GRM1: variants seen among roughly 807,000 people sequenced by gnomAD.
GRM1 encodes the protein metabotropic glutamate receptor 1.
In GRM1, 33 loss-of-function variants were observed where a neutral mutation model predicts 90.9. The ratio of observed to expected loss-of-function variants is 0.36; its 90% CI spans 0.28 to 0.49. The LOEUF is 0.49. GRM1 is among the 20% of genes least tolerant of loss of function. The pLI is 0.99. For missense variants in GRM1, 1,190 were observed against 1,534.3 expected (o/e 0.78, Z 3.75); for synonymous variants, 700 against 613.2 (o/e 1.14, Z -2.09).
chr6:146,315,742 A>G (rs975006626), intron 3 of GRM1, among the ~76,000 whole-genome samples: 5 of 152,194 alleles, frequency 3.3e-5, no homozygotes, highest in Non-Finnish European at 5.9e-5. Flanking sequence ...AAAATTCAGA[A>G]CCATCTGTCA....
chr6:146,253,948 C>G (rs1781390042), intron 2 of GRM1, among the ~76,000 whole-genome samples: 1 of 152,020 alleles, frequency 6.6e-6, no homozygotes, highest in Non-Finnish European at 1.5e-5. Flanking sequence ...TCTTACTTTT[C>G]TCTTCATAAG....
chr6:146,143,437 T>G (rs995754620), intron 1 of GRM1, among the ~76,000 whole-genome samples: 2 of 152,194 alleles, frequency 1.3e-5, no homozygotes, highest in African/African-American at 2.4e-5. Flanking sequence ...TGGATCCTGA[T>G]GAATGTCAGT....
In GRM1 at chr6:146,433,937, T is replaced by C. The variant is rs141525895; in HGVS notation, c.2726T>C (p.Met909Thr). 156 of 1,613,730 alleles carry C rather than the reference T, an allele frequency of 9.7e-5. No individual in the cohort carries two copies. Among genetic ancestry groups the C allele is most frequent in the Non-Finnish European group, 1.3e-4 (148 of 1,179,736 alleles). ...GGGQVPKGQH[M>T]WHRLSVHVKT... ...GGACAGGTGCCCAAGGGACAGCATA[T>C]GTGGCACCGCCTCTCTGTGCACGTG... The change falls in exon 8 of 8, where the codon ATG becomes ACG. Residue 909 changes from methionine to threonine, a missense_variant. By Grantham distance (81) the Met-to-Thr change is moderately conservative (BLOSUM62 -1). This residue lies in a region of GRM1 where 400 missense variants were observed against 360.8 expected (regional missense o/e 1.11). Transcript: ENST00000282753.
chr6:146,311,857 G>A (rs1583308159), intron 3 of GRM1, among the ~76,000 whole-genome samples: 1 of 152,052 alleles, frequency 6.6e-6, no homozygotes, highest in South Asian at 2.1e-4. Flanking sequence ...TTGATCATAT[G>A]ATTTTTCCTG....
In GRM1 at chr6:146,283,173, G is replaced by A. The variant is rs148290388; in HGVS notation, c.951-21438G>A. On this transcript the variant is annotated intron_variant, in intron 2 of 7. Transcript: ENST00000282753. The stretch of plus-strand genomic sequence containing the variant: ...GTCCAGCTTGAAGCAGAGCATCCCA[G>A]CAGAACCCAGCCTAAATCAGCCGAA... Among the ~76,000 whole-genome samples, 509 of 152,298 alleles carry A rather than the reference G, an allele frequency of 3.3e-3. 2 individuals carry two copies. Among genetic ancestry groups the A allele is most frequent in the Non-Finnish European group, 5.6e-3 (379 of 68,038 alleles).
chr6:146,280,055 G>C (rs962124197), intron 2 of GRM1, among the ~76,000 whole-genome samples: 1 of 152,062 alleles, frequency 6.6e-6, no homozygotes. Context: ...AAATTGACAA[G>C]TTTCATCATT....
intron 1 of GRM1, among the ~76,000 whole-genome samples, chr6:146,092,917 G>A (rs1265970329): frequency 6.6e-6 from 1 of 152,114 alleles, no homozygotes; most frequent in Admixed American, 6.6e-5. Context: ...AGTAGAAATA[G>A]AGTATGAAAC....
rs529777111 is a variant in GRM1, at chr6:146,333,921, GA to G, written c.1187-18322del. Among the ~76,000 whole-genome samples, 326 of 152,196 alleles carry G rather than the reference GA, an allele frequency of 2.1e-3. 2 individuals carry two copies. Among genetic ancestry groups the G allele is most frequent in the Non-Finnish European group, 3.6e-3 (243 of 68,002 alleles). On this transcript the variant is annotated intron_variant, in intron 3 of 7. Transcript: ENST00000282753. The stretch of plus-strand genomic sequence containing the variant: ...AAAGGAAAAAAAAATGATGAAATCT[GA>G]AAAAAATAAAATGGAGTTTAGTAAA...
chr6:146,390,290 G>A (rs1776669702), intron 6 of GRM1, among the ~76,000 whole-genome samples: 1 of 151,570 alleles, frequency 6.6e-6, no homozygotes, highest in African/African-American at 2.4e-5. Context: ...ATTAAAATGT[G>A]GTTTTTTTTG....
intron 1 of GRM1, among the ~76,000 whole-genome samples, chr6:146,116,594 T>A (rs1775757888): frequency 6.6e-6 from 1 of 152,100 alleles, no homozygotes; most frequent in Non-Finnish European, 1.5e-5. Flanking sequence ...TATATTATAT[T>A]TTTCCAGTTT....
chr6:146,156,353 C>T (rs1411926368), intron 1 of GRM1, among the ~76,000 whole-genome samples: 1 of 152,184 alleles, frequency 6.6e-6, no homozygotes, highest in African/African-American at 2.4e-5. Flanking sequence ...TTGCAGTGAG[C>T]CAAGATCGTG....
At chr6:146,115,372 A>G (rs1337396314) in intron 1 of GRM1, among the ~76,000 whole-genome samples, 1 of 152,126 alleles carries the variant, frequency 6.6e-6, no homozygotes, top group Non-Finnish European at 1.5e-5. Flanking sequence ...GACACATAGC[A>G]TGTTCTCAAC....
chr6:146,290,629 T>A (rs950063658), intron 2 of GRM1, among the ~76,000 whole-genome samples: 3 of 152,168 alleles, frequency 2.0e-5, no homozygotes, highest in Non-Finnish European at 4.4e-5. Context: ...CATTTTTTCT[T>A]TCAATTTTCT....
chr6:146,240,637 G>T (rs1196062340), intron 2 of GRM1, among the ~76,000 whole-genome samples: 1 of 152,084 alleles, frequency 6.6e-6, no homozygotes, highest in Non-Finnish European at 1.5e-5. Flanking sequence ...AATTCTAAGG[G>T]TCAATCTTTG....
At chr6:146,083,247 T>C (rs564175850) in intron 1 of GRM1, among the ~76,000 whole-genome samples, 1 of 152,350 alleles carries the variant, frequency 6.6e-6, no homozygotes, top group East Asian at 1.9e-4. Flanking sequence ...CTGATTGCCC[T>C]GGCCAGAACT....
Position 146,224,587 on chromosome 6 carries a change from G to A in GRM1, c.950+64990G>A, listed in dbSNP as rs117411235. On this transcript the variant is annotated intron_variant, in intron 2 of 7. Coordinates refer to ENST00000282753, the MANE Select transcript of GRM1 (RefSeq NM_001278064.2). The stretch of plus-strand genomic sequence containing the variant: ...AGCTTGACAGCTTAGATAATGAAAA[G>A]TCCTACATTCACTTCTTATCACAAG... Among the ~76,000 whole-genome samples the A allele has an allele frequency of 9.4e-3, 1,431 of 152,268 alleles. 7 individuals carry two copies. Among genetic ancestry groups the A allele is most frequent in the Middle Eastern group, 0.027 (8 of 294 alleles).
intron 1 of GRM1, among the ~76,000 whole-genome samples, chr6:146,099,342 A>C (rs1776974427): frequency 6.6e-6 from 1 of 152,156 alleles, no homozygotes; most frequent in Non-Finnish European, 1.5e-5. Flanking sequence ...AGCCAAGATC[A>C]CTCCAGTGTG....
At chr6:146,107,637 T>A (rs1775363659) in intron 1 of GRM1, among the ~76,000 whole-genome samples, 2 of 152,240 alleles carry the variant, frequency 1.3e-5, no homozygotes, top group Admixed American at 6.5e-5. Flanking sequence ...CTTTTAATCA[T>A]CTTTCATTTG....
chr6:146,126,239 C>A (rs1432236964), intron 1 of GRM1, among the ~76,000 whole-genome samples: 1 of 151,920 alleles, frequency 6.6e-6, no homozygotes, highest in Non-Finnish European at 1.5e-5. Flanking sequence ...GAATGTTTAT[C>A]TTTTATTTGT....
Sources: gnomAD v4.1 joint callset for allele counts (sites outside exome capture counted in the v4.1 genomes callset) on GRCh38, gnomAD v4.1.1 for gene constraint, gnomAD v4.1.1 regional missense constraint, MANE v1.5 for transcripts, NCBI Gene and HGNC (gene_info 2026-07-23, HGNC 2026-07-21) for gene names.